SLC4A10: variants seen among roughly 807,000 people sequenced by gnomAD.
SLC4A10 encodes solute carrier family 4 member 10.
Under a neutral mutation model 137.7 loss-of-function variants are expected in SLC4A10, and 42 were observed. That is an observed-to-expected ratio of 0.30 (90% CI 0.24 to 0.39). The LOEUF (loss-of-function observed/expected upper bound fraction) is 0.39. SLC4A10 is among the 10% of genes least tolerant of loss of function. The pLI, the probability that SLC4A10 is intolerant of heterozygous loss-of-function variation, is 1.00. For missense variants in SLC4A10, 925 were observed against 1,355.0 expected, an observed-to-expected ratio of 0.68 and a Z score of 4.98; for synonymous variants, 474 against 464.1, an observed-to-expected ratio of 1.02 and a Z score of -0.27.
intron 6 of SLC4A10, among the ~76,000 whole-genome samples, chr2:161,864,028 C>T (rs970472654): frequency 6.6e-6 from 1 of 151,940 alleles, no homozygotes; most frequent in Non-Finnish European, 1.5e-5. Context: ...GGTGAAACCC[C>T]GTCTCTACTA....
Position 161,984,525 on chromosome 2 carries a change from A to G in SLC4A10, c.*1373A>G, listed in dbSNP as rs946427672. The G allele has an allele frequency of 5.3e-5, 8 of 152,098 alleles. No individual in the cohort carries two copies. Among genetic ancestry groups the G allele is most frequent in the African/African-American group, 1.9e-4 (8 of 41,436 alleles). 9.4% of individuals were successfully genotyped at this position (152,098 alleles called of 1,614,324 possible). Reference sequence around the variant, plus strand: ...ATTCAGAGCCCTGTGGCTTTTACACACCGTTAATTATGTACTCTGTTGGAA... The same window carrying G: ...ATTCAGAGCCCTGTGGCTTTTACACGCCGTTAATTATGTACTCTGTTGGAA... On this transcript the variant is annotated 3_prime_UTR_variant, in exon 27 of 27. Coordinates refer to ENST00000446997, the MANE Select transcript of SLC4A10 (RefSeq NM_001178015.2).
At chr2:161,964,376 A>G (rs1408830087) in intron 22 of SLC4A10, 68 bp downstream of exon 22, 9 of 1,488,162 alleles carry the variant, frequency 6.0e-6, no homozygotes, top group Non-Finnish European at 9.3e-7. Context: ...ACATAAACAC[A>G]TGAATTGAAA....
chr2:161,976,098 A>G (rs528729797), intron 24 of SLC4A10, among the ~76,000 whole-genome samples: 1 of 152,344 alleles, frequency 6.6e-6, no homozygotes, highest in African/African-American at 2.4e-5. Context: ...AATTAAGAAT[A>G]CCACAGGCCA....
intron 10 of SLC4A10, among the ~76,000 whole-genome samples, chr2:161,887,870 GTCTT>G (rs961954797): frequency 1.3e-5 from 2 of 152,148 alleles, no homozygotes; most frequent in Non-Finnish European, 2.9e-5. Flanking sequence ...TAGTCATGAA[GTCTT>G]TGCCTATGCC....
At chr2:161,739,134 G>A (rs768555438) in intron 1 of SLC4A10, among the ~76,000 whole-genome samples, 1 of 151,914 alleles carries the variant, frequency 6.6e-6, no homozygotes, top group Non-Finnish European at 1.5e-5. Context: ...ACATGATATG[G>A]GGAGGAAAGA....
chr2:161,848,571 A>AG, intron 4 of SLC4A10, among the ~76,000 whole-genome samples: 1 of 152,252 alleles, frequency 6.6e-6, no homozygotes, highest in East Asian at 1.9e-4. Context: ...GGTGAAATGT[A>AG]GGGGTCCCGT....
chr2:161,732,404 G>C (rs1295964912), intron 1 of SLC4A10, among the ~76,000 whole-genome samples: 1 of 152,180 alleles, frequency 6.6e-6, no homozygotes. Context: ...TTGTATGCAA[G>C]AGACAAAGAC....
chr2:161,900,235 A>G (rs1575542723), intron 11 of SLC4A10, among the ~76,000 whole-genome samples: 1 of 152,194 alleles, frequency 6.6e-6, no homozygotes. Flanking sequence ...AATCTCTACT[A>G]ATTTGTCATT....
intron 3 of SLC4A10, among the ~76,000 whole-genome samples, chr2:161,821,126 T>G (rs149254703): frequency 6.9e-4 from 105 of 152,332 alleles, no homozygotes; most frequent in African/African-American, 2.4e-3. Flanking sequence ...TGAGCTTTTA[T>G]TGATTTGTAG....
At position 161,624,586 on chromosome 2, in the gene SLC4A10, C is replaced by T; in HGVS notation, c.48+20C>T. On this transcript the variant is annotated intron_variant, in intron 1 of 26. Coordinates refer to ENST00000446997, the MANE Select transcript of SLC4A10 (RefSeq NM_001178015.2). The stretch of plus-strand genomic sequence containing the variant: ...CCTACGGTAAGAGACAACCTGCTAT[C>T]ACATAGATTAACCGCGTTTGCTGCA... 1.3e-6 allele frequency: 2 copies of T among 1,551,920 alleles called. No individual in the cohort carries two copies. Among genetic ancestry groups the T allele is most frequent in the African/African-American group, 1.4e-5 (1 of 73,142 alleles).
intron 1 of SLC4A10, among the ~76,000 whole-genome samples, chr2:161,673,280 A>C (rs905157396): frequency 6.6e-5 from 10 of 152,168 alleles, no homozygotes; most frequent in African/African-American, 2.2e-4. Context: ...CAATGCATTC[A>C]CTTGATTCCA....
intron 1 of SLC4A10, among the ~76,000 whole-genome samples, chr2:161,636,223 A>G (rs1211899880): frequency 6.6e-6 from 1 of 152,124 alleles, no homozygotes; most frequent in Admixed American, 6.6e-5. Flanking sequence ...GACCTCTTGT[A>G]TAAGTGAGAT....
chr2:161,854,953 A>T lies in SLC4A10; in HGVS notation c.417-17A>T. ...ACAATATAATATAAACTGTGCTGAT[A>T]ATATTTGTTTGTATAGGTGGTTGAA... is the stretch of plus-strand genomic sequence containing the variant. On this transcript the variant is annotated splice_polypyrimidine_tract_variant and intron_variant, in intron 4 of 26. Coordinates refer to ENST00000446997, the MANE Select transcript of SLC4A10 (RefSeq NM_001178015.2). 1 of 1,606,470 alleles carries T rather than the reference A, an allele frequency of 6.2e-7. No homozygotes were observed. The highest frequency in any genetic ancestry group is 8.5e-7 in the Non-Finnish European group (1 of 1,176,496).
At chr2:161,698,621 G>A (rs2042795498) in intron 1 of SLC4A10, among the ~76,000 whole-genome samples, 1 of 152,124 alleles carries the variant, frequency 6.6e-6, no homozygotes, top group Non-Finnish European at 1.5e-5. Context: ...ACTGATTTGT[G>A]TATATTGAAC....
intron 10 of SLC4A10, among the ~76,000 whole-genome samples, chr2:161,883,359 C>T (rs1447598852): frequency 6.6e-6 from 1 of 152,070 alleles, no homozygotes; most frequent in Admixed American, 6.6e-5. Flanking sequence ...TTTACAATAG[C>T]TAAAATTTGA....
At chr2:161,935,940 A>G (rs1183180282) in intron 15 of SLC4A10, among the ~76,000 whole-genome samples, 4 of 152,010 alleles carry the variant, frequency 2.6e-5, no homozygotes, top group Non-Finnish European at 4.4e-5. Context: ...TGTGGTCTTT[A>G]TTGTGTTGGG....
intron 1 of SLC4A10, among the ~76,000 whole-genome samples, chr2:161,709,209 TGATAAG>T (rs1419955389): frequency 2.6e-5 from 4 of 151,730 alleles, no homozygotes; most frequent in African/African-American, 9.6e-5. Flanking sequence ...TCGATCAAAC[TGATAAG>T]GATACATCGT....
chr2:161,907,055 C>CAAAAAA (rs556899761), intron 15 of SLC4A10, among the ~76,000 whole-genome samples: 4 of 90,946 alleles, frequency 4.4e-5, no homozygotes, highest in Admixed American at 9.7e-5. Flanking sequence ...GACTCCGTCT[C>CAAAAAA]AAAAAAAAAA....
At position 161,751,514 on chromosome 2, in the gene SLC4A10, G is replaced by A. The variant is rs368667162; in HGVS notation, c.49-19459G>A. ...GAGAAAAACTTAATTTTTCCTGCAT[G>A]TAGGAACTCGCCTTTTATTCTCCCC... is the stretch of plus-strand genomic sequence containing the variant. On this transcript the variant is annotated intron_variant, in intron 1 of 26. Coordinates refer to ENST00000446997, the MANE Select transcript of SLC4A10 (RefSeq NM_001178015.2). Among the ~76,000 whole-genome samples, 14 of 151,718 alleles carry A rather than the reference G, an allele frequency of 9.2e-5. No individual in the cohort carries two copies. In the East Asian group the frequency reaches 2.1e-3, roughly 23 times the overall value.
Sources: gnomAD v4.1 joint callset for allele counts (sites outside exome capture counted in the v4.1 genomes callset) on GRCh38, gnomAD v4.1.1 for gene constraint, MANE v1.5 for transcripts, NCBI Gene and HGNC (gene_info 2026-07-23, HGNC 2026-07-21) for gene names.